SLC25A53: variants seen among roughly 807,000 people sequenced by gnomAD.
SLC25A53 encodes the protein mitochondrial carrier triple repeat protein 6.
A neutral mutation model predicts 15.0 loss-of-function variants in SLC25A53; 5 were observed. That is an observed-to-expected ratio of 0.33 (90% CI 0.17 to 0.70). SLC25A53 has a LOEUF of 0.70. Among genes scored for constraint, SLC25A53 ranks in the 30% least tolerant of loss-of-function variants. The probability of loss-of-function intolerance (pLI) is 0.67; values close to 1 mark genes in which losing one functional copy is unlikely to be tolerated. For synonymous variants in SLC25A53, 95 were observed against 100.0 expected (o/e 0.95, Z 0.30); for missense variants, 216 against 241.6 (o/e 0.89, Z 0.70).
At chrX:104,126,960 A>C (rs2056788264) in intron 1 of SLC25A53, among the ~76,000 whole-genome samples, 1 of 112,573 alleles carries the variant, frequency 8.9e-6, no homozygotes, top group Admixed American at 9.4e-5. Flanking sequence ...TATGAGACTA[A>C]ACATGTACTT....
chrX:104,110,902 T>C (rs2075337967), intron 1 of SLC25A53, among the ~76,000 whole-genome samples: 1 of 112,720 alleles, frequency 8.9e-6, no homozygotes, highest in South Asian at 3.6e-4. Flanking sequence ...TTCTCACACT[T>C]CTTCATCAAG....
intron 1 of SLC25A53, among the ~76,000 whole-genome samples, chrX:104,116,633 G>A (rs1040832551): frequency 1.8e-5 from 2 of 111,326 alleles, no homozygotes; most frequent in African/African-American, 3.3e-5. Context: ...ATGTTGTAGG[G>A]GGAGTGGAGG....
chrX:104,151,923 G>GA (rs2075485732), intron 1 of SLC25A53, among the ~76,000 whole-genome samples: 2 of 112,011 alleles, frequency 1.8e-5, no homozygotes, highest in Non-Finnish European at 3.8e-5. Context: ...GACTACTGTG[G>GA]AGGTGCAGGG....
At chrX:104,130,074 C>T (rs1190657647) in intron 1 of SLC25A53, among the ~76,000 whole-genome samples, 1 of 110,874 alleles carries the variant, frequency 9.0e-6, no homozygotes, top group Non-Finnish European at 1.9e-5. Context: ...TATCAGCACG[C>T]GGAAGTCTGC....
intron 1 of SLC25A53, among the ~76,000 whole-genome samples, chrX:104,147,438 A>G (rs2075471238): frequency 9.0e-6 from 1 of 111,137 alleles, no homozygotes; most frequent in African/African-American, 3.3e-5. Context: ...ACAAAAGCCA[A>G]AATTGACAAA....
intron 1 of SLC25A53, among the ~76,000 whole-genome samples, chrX:104,122,297 T>C (rs980305298): frequency 2.1e-5 from 2 of 94,412 alleles, no homozygotes; most frequent in East Asian, 3.3e-4. Flanking sequence ...TCTGATTTCT[T>C]TTTTTTGTTT....
At chrX:104,128,595 T>C (rs1485577143) in intron 1 of SLC25A53, among the ~76,000 whole-genome samples, 1 of 111,615 alleles carries the variant, frequency 9.0e-6, no homozygotes, top group Admixed American at 9.6e-5. Flanking sequence ...GAAAAAGGAT[T>C]TCCCAGTCAC....
intron 1 of SLC25A53, among the ~76,000 whole-genome samples, chrX:104,140,897 G>A (rs1654012510): frequency 1.8e-5 from 2 of 110,871 alleles, no homozygotes; most frequent in Admixed American, 1.9e-4. Flanking sequence ...TTTTTGGTCA[G>A]TCCAAATCCT....
Position 104,104,991 on chromosome X carries a change from C to T in SLC25A53, c.267G>A (p.Thr89=), listed in dbSNP as rs782234735. The T allele has an allele frequency of 2.1e-5, 25 of 1,209,701 alleles. No homozygotes were observed. Among genetic ancestry groups the T allele is most frequent in the South Asian group, 5.3e-5 (3 of 56,788 alleles). Residue 89 remains threonine, a synonymous_variant, in exon 2 of 2, where the codon ACG becomes ACA. Coordinates refer to ENST00000594199, the MANE Select transcript of SLC25A53 (RefSeq NM_001012755.5). Reference sequence around the variant, plus strand: ...TCCCAAACAGAAGAGTCCCTTGCAACGTCTTGGAGAGAAGAGGAGGGTAGA... The same window carrying T: ...TCCCAAACAGAAGAGTCCCTTGCAATGTCTTGGAGAGAAGAGGAGGGTAGA... ...RGIYPPLLSK[T]LQGTLLFGTY... is the part of the protein sequence containing the mutation.
intron 1 of SLC25A53, among the ~76,000 whole-genome samples, chrX:104,140,462 A>C (rs1451870726): frequency 1.2e-4 from 13 of 110,596 alleles, no homozygotes; most frequent in Non-Finnish European, 9.4e-5. Context: ...TGTTAAATTG[A>C]ACTACTTCTT....
chrX:104,153,468 T>C (rs1174943964), intron 1 of SLC25A53, among the ~76,000 whole-genome samples: 15 of 111,780 alleles, frequency 1.3e-4, no homozygotes, highest in African/African-American at 4.9e-4. Context: ...GTATTTCTTC[T>C]AAAGGGAGAG....
At chrX:104,121,633 C>T (rs782066636) in intron 1 of SLC25A53, among the ~76,000 whole-genome samples, 3 of 108,813 alleles carry the variant, frequency 2.8e-5, no homozygotes, top group Non-Finnish European at 5.7e-5. Context: ...TAAAGGTCAA[C>T]TCAGCTCTAA....
At chrX:104,138,968 G>T (rs782713434) in intron 1 of SLC25A53, among the ~76,000 whole-genome samples, 3 of 112,280 alleles carry the variant, frequency 2.7e-5, no homozygotes, top group Non-Finnish European at 3.8e-5. Context: ...ATGGTGGTAT[G>T]GCAGGCCAGG....
At chrX:104,140,233 T>C (rs1334717014) in intron 1 of SLC25A53, among the ~76,000 whole-genome samples, 1 of 110,820 alleles carries the variant, frequency 9.0e-6, no homozygotes, top group Non-Finnish European at 1.9e-5. Context: ...AGAAGCAATC[T>C]TCCCACCTCA....
chrX:104,111,477 G>T (rs1223415691), intron 1 of SLC25A53, among the ~76,000 whole-genome samples: 1 of 109,325 alleles, frequency 9.1e-6, no homozygotes, highest in Non-Finnish European at 1.9e-5. Context: ...CAGGCAGCTT[G>T]TTGTGTAAAA....
intron 1 of SLC25A53, among the ~76,000 whole-genome samples, chrX:104,108,498 ATCT>A (rs1312159867): frequency 3.6e-5 from 4 of 111,309 alleles, no homozygotes; most frequent in African/African-American, 1.3e-4. Flanking sequence ...TTGGGAACAA[ATCT>A]TCTGTTCCCA....
chrX:104,110,479 G>A (rs1432900015), intron 1 of SLC25A53, among the ~76,000 whole-genome samples: 26 of 111,978 alleles, frequency 2.3e-4, no homozygotes, highest in African/African-American at 8.5e-4. Flanking sequence ...AAATAAGAGG[G>A]CGGAAAGGAG....
chrX:104,121,751 A>G (rs1399207345), intron 1 of SLC25A53, among the ~76,000 whole-genome samples: 1 of 106,371 alleles, frequency 9.4e-6, no homozygotes, highest in Non-Finnish European at 1.9e-5. Flanking sequence ...AAAATGAATG[A>G]TGAATCCCCA....
At chrX:104,107,537 A>G (rs1190981851) in intron 1 of SLC25A53, among the ~76,000 whole-genome samples, 5 of 112,281 alleles carry the variant, frequency 4.5e-5, no homozygotes, top group African/African-American at 1.6e-4. Flanking sequence ...GAAGCCCCCA[A>G]CAGTCCTCAG....
Sources: gnomAD v4.1 joint callset for allele counts (sites outside exome capture counted in the v4.1 genomes callset) on GRCh38, gnomAD v4.1.1 for gene constraint, MANE v1.5 for transcripts, NCBI Gene and HGNC (gene_info 2026-07-23, HGNC 2026-07-21) for gene names.